The following GPC6 variants were observed in gnomAD, a reference collection of about 807,000 sequenced individuals.
The protein encoded by GPC6 is glypican-6.
In GPC6, 14 loss-of-function variants were observed where a neutral mutation model predicts 55.2. That is an observed-to-expected ratio of 0.25 (90% CI 0.17 to 0.40). The LOEUF (loss-of-function observed/expected upper bound fraction) is 0.40. Among genes scored for constraint, GPC6 ranks in the 10% least tolerant of loss-of-function variants. The pLI, the probability that GPC6 is intolerant of heterozygous loss-of-function variation, is 1.00. For synonymous variants in GPC6, 278 were observed against 259.6 expected (o/e 1.07, Z -0.68); for missense variants, 641 against 708.5 (o/e 0.90, Z 1.08).
intron 1 of GPC6, among the ~76,000 whole-genome samples, chr13:93,266,881 T>C (rs1394909918): frequency 6.6e-6 from 1 of 152,192 alleles, no homozygotes; most frequent in Non-Finnish European, 1.5e-5. Flanking sequence ...TATTATTCTG[T>C]ATTCTGTCGT....
At chr13:93,894,794 T>G (rs555726158) in intron 3 of GPC6, among the ~76,000 whole-genome samples, 18 of 152,058 alleles carry the variant, frequency 1.2e-4, no homozygotes, top group Non-Finnish European at 1.8e-4. Flanking sequence ...TGCAATAGGA[T>G]TTGGGAATAC....
chr13:93,291,301 C>T (rs1878312414), intron 1 of GPC6, among the ~76,000 whole-genome samples: 1 of 152,066 alleles, frequency 6.6e-6, no homozygotes, highest in South Asian at 2.1e-4. Flanking sequence ...GTGACAGAGC[C>T]ACCATCTCTT....
chr13:93,341,290 T>C (rs1185003991), intron 1 of GPC6, among the ~76,000 whole-genome samples: 1 of 152,244 alleles, frequency 6.6e-6, no homozygotes, highest in Admixed American at 6.5e-5. Context: ...GATTGAATGG[T>C]AGTTCTACTT....
At chr13:93,914,781 GA>G (rs1877202526) in intron 3 of GPC6, among the ~76,000 whole-genome samples, 1 of 152,212 alleles carries the variant, frequency 6.6e-6, no homozygotes, top group East Asian at 1.9e-4. Context: ...TCAGATAAGA[GA>G]AAAAAATTAA....
intron 1 of GPC6, among the ~76,000 whole-genome samples, chr13:93,276,766 T>C (rs1877770149): frequency 6.6e-6 from 1 of 152,144 alleles, no homozygotes; most frequent in Admixed American, 6.5e-5. Flanking sequence ...GCCTGAGGCC[T>C]GGTGAAAACC....
In GPC6 at chr13:93,825,034, G is replaced by T. The variant is rs1045271509; in HGVS notation, c.320-5120G>T. 2.0e-5 allele frequency among the ~76,000 whole-genome samples: 3 copies of T among 152,032 alleles called. No homozygotes were observed. The East Asian group carries it at 5.8e-4, about 29-fold the overall frequency. ...ATTTGTATTACAAACAAATCATGGG[G>T]TTGATGAGATGTGGTTTAGAAATAG... On this transcript the variant is annotated intron_variant, in intron 2 of 8. Transcript: ENST00000377047.
At chr13:93,855,912 C>T (rs1197921592) in intron 3 of GPC6, among the ~76,000 whole-genome samples, 2 of 151,512 alleles carry the variant, frequency 1.3e-5, no homozygotes, top group African/African-American at 4.8e-5. Context: ...TTTAATCATT[C>T]TTTCTATATT....
chr13:94,112,999 A>T (rs1213308746), intron 4 of GPC6, among the ~76,000 whole-genome samples: 1 of 152,086 alleles, frequency 6.6e-6, no homozygotes, highest in Non-Finnish European at 1.5e-5. Flanking sequence ...TTGATTAGAT[A>T]CTTAATTCTC....
intron 4 of GPC6, among the ~76,000 whole-genome samples, chr13:94,270,579 T>A (rs1019256853): frequency 6.6e-6 from 1 of 151,872 alleles, no homozygotes; most frequent in Non-Finnish European, 1.5e-5. Context: ...TAGTTACAGA[T>A]GATTTTTATT....
At chr13:93,553,863 A>G (rs1347727540) in intron 2 of GPC6, among the ~76,000 whole-genome samples, 1 of 145,838 alleles carries the variant, frequency 6.9e-6, no homozygotes, top group African/African-American at 2.6e-5. Flanking sequence ...AGAGTTGGCC[A>G]GCACAGTGCC....
chr13:93,609,649 T>C (rs556566446), intron 2 of GPC6, among the ~76,000 whole-genome samples: 69 of 152,340 alleles, frequency 4.5e-4, no homozygotes, highest in Non-Finnish European at 7.1e-4. Context: ...AAAATTCCTA[T>C]GTGACTTGTG....
chr13:94,133,182 T>C (rs1474675713), intron 4 of GPC6, among the ~76,000 whole-genome samples: 1 of 126,214 alleles, frequency 7.9e-6, no homozygotes, highest in Non-Finnish European at 1.7e-5. Context: ...AAACAAGAAT[T>C]AGACAACGAC....
At chr13:93,564,176 C>G (rs1015868615) in intron 2 of GPC6, among the ~76,000 whole-genome samples, 2 of 152,026 alleles carry the variant, frequency 1.3e-5, no homozygotes, top group Non-Finnish European at 2.9e-5. Flanking sequence ...ATAGTTAAAA[C>G]TTGTAAAGAT....
intron 3 of GPC6, among the ~76,000 whole-genome samples, chr13:93,872,752 A>G (rs1035494302): frequency 2.6e-5 from 4 of 151,990 alleles, no homozygotes; most frequent in Non-Finnish European, 4.4e-5. Context: ...GCCATGCAAC[A>G]TAACCTATTA....
At chr13:94,205,170 T>G (rs1889865809) in intron 4 of GPC6, among the ~76,000 whole-genome samples, 1 of 152,164 alleles carries the variant, frequency 6.6e-6, no homozygotes, top group Non-Finnish European at 1.5e-5. Context: ...TTTATTCTTT[T>G]GAGCTTCTAT....
intron 3 of GPC6, among the ~76,000 whole-genome samples, chr13:94,000,198 G>A (rs1040637713): frequency 1.3e-5 from 2 of 152,234 alleles, no homozygotes; most frequent in South Asian, 2.1e-4. Context: ...TAGATAGTAC[G>A]TTCCATGAAC....
chr13:94,118,983 A>G (rs149075143), intron 4 of GPC6, among the ~76,000 whole-genome samples: 4 of 118,856 alleles, frequency 3.4e-5, no homozygotes, highest in African/African-American at 9.8e-5. Flanking sequence ...CCTGGCCTGT[A>G]TATACATTAT....
chr13:93,573,016 G>A (rs1170683868), intron 2 of GPC6, among the ~76,000 whole-genome samples: 1 of 151,988 alleles, frequency 6.6e-6, no homozygotes, highest in African/African-American at 2.4e-5. Context: ...AAGGAGGCAG[G>A]GGAAAAGGTT....
intron 3 of GPC6, among the ~76,000 whole-genome samples, chr13:94,005,593 C>T (rs1881985372): frequency 6.6e-6 from 1 of 152,158 alleles, no homozygotes; most frequent in Non-Finnish European, 1.5e-5. Context: ...TGTACAACTA[C>T]TGATCAGTCA....
Sources: allele counts gnomAD v4.1 joint callset (sites outside exome capture counted in the v4.1 genomes callset), GRCh38; gene constraint gnomAD v4.1.1; transcripts MANE v1.5; gene names NCBI Gene and HGNC (gene_info 2026-07-23, HGNC 2026-07-21).